TMEM131L: variants seen among roughly 807,000 people sequenced by gnomAD.
The protein encoded by TMEM131L is transmembrane 131 like, also known as transmembrane protein 131-like.
TMEM131L carries 54 observed loss-of-function variants against 192.2 expected under a neutral mutation model. That is an observed-to-expected ratio of 0.28 (90% confidence interval 0.23 to 0.35). TMEM131L has a LOEUF of 0.35. Ranked by LOEUF, TMEM131L falls within the 10% of genes least tolerant of loss-of-function variation. TMEM131L has a pLI of 1.00. For synonymous variants in TMEM131L, 701 were observed against 704.9 expected, an observed-to-expected ratio of 0.99 and a Z score of 0.09; for missense variants, 1,888 against 1,972.9, an observed-to-expected ratio of 0.96 and a Z score of 0.82.
rs1554038866 is a variant in TMEM131L, at chr4:153,595,724, A to AAAC, written c.1996-532_1996-531insCAA. 6.7e-3 allele frequency among the ~76,000 whole-genome samples: 999 copies of AAAC among 149,732 alleles called. 7 individuals are homozygous for AAAC. The highest frequency in any genetic ancestry group is 0.014 in the African/African-American group (580 of 41,186). ...GCACAAGTTTTATGCCAAAAAAAAA[A>AAAC]AAAAACACGACATCTTGGAGAAAAT... On this transcript the variant is annotated intron_variant, in intron 19 of 34. Transcript: ENST00000409959.
In TMEM131L at chr4:153,504,266, C is replaced by CTTTTTTT. The variant is rs531620464; in HGVS notation, c.239+30403_239+30409dup. Among the ~76,000 whole-genome samples, 80 of 42,638 alleles carry CTTTTTTT rather than the reference C, an allele frequency of 1.9e-3. 11 individuals are homozygous for CTTTTTTT. Among genetic ancestry groups the CTTTTTTT allele is most frequent in the Non-Finnish European group, 3.0e-3 (66 of 21,820 alleles). 28.0% of individuals were successfully genotyped at this position (42,638 alleles called of 152,430 possible). Reference sequence around the variant, plus strand: ...ACGGGCGTGAGCCACCGCGGTCGGCCTTTTTTTTTTTTTTTTTTTTTTTTT... The same window carrying CTTTTTTT: ...ACGGGCGTGAGCCACCGCGGTCGGCCTTTTTTTTTTTTTTTTTTTTTTTTTTTTTTTT... On this transcript the variant is annotated intron_variant, in intron 3 of 34. Transcript: ENST00000409959.
chr4:153,502,038 A>G (rs1733648432), intron 3 of TMEM131L, among the ~76,000 whole-genome samples: 1 of 149,184 alleles, frequency 6.7e-6, no homozygotes. Flanking sequence ...TGCAACCTTA[A>G]CATTCAGGGC....
intron 19 of TMEM131L, among the ~76,000 whole-genome samples, chr4:153,595,886 A>G (rs772797216): frequency 3.1e-4 from 47 of 152,154 alleles, no homozygotes; most frequent in Admixed American, 7.2e-4. Flanking sequence ...GTGGTGGGTG[A>G]GTGGTCTTGT....
chr4:153,522,427 G>A (rs992524737), intron 3 of TMEM131L, among the ~76,000 whole-genome samples: 2 of 152,144 alleles, frequency 1.3e-5, no homozygotes, highest in Admixed American at 1.3e-4. Context: ...GGAGGAGACC[G>A]GGATGGAAGT....
chr4:153,527,370 T>G (rs1467116974), intron 3 of TMEM131L, among the ~76,000 whole-genome samples: 1 of 152,098 alleles, frequency 6.6e-6, no homozygotes, highest in African/African-American at 2.4e-5. Context: ...CCTCCTGGGT[T>G]CAAGCAATTC....
intron 3 of TMEM131L, among the ~76,000 whole-genome samples, chr4:153,545,947 G>C (rs532520412): frequency 2.0e-5 from 3 of 151,972 alleles, no homozygotes; most frequent in African/African-American, 7.3e-5. Context: ...GCAGTGGTGC[G>C]GTCATTGCTC....
chr4:153,475,759 A>G (rs573836305), intron 3 of TMEM131L, among the ~76,000 whole-genome samples: 1 of 152,332 alleles, frequency 6.6e-6, no homozygotes, highest in African/African-American at 2.4e-5. Context: ...AAAACTATTT[A>G]CATAGCATTC....
At chr4:153,594,219 G>A (rs187865490) in intron 19 of TMEM131L, among the ~76,000 whole-genome samples, 1 of 145,948 alleles carries the variant, frequency 6.9e-6, no homozygotes, top group Non-Finnish European at 1.5e-5. Flanking sequence ...GGCAAGATAA[G>A]GAAAAACAAA....
intron 33 of TMEM131L, among the ~76,000 whole-genome samples, chr4:153,634,993 T>A (rs1045052901): frequency 6.6e-6 from 1 of 152,224 alleles, no homozygotes; most frequent in Non-Finnish European, 1.5e-5. Context: ...GTGTTCATTA[T>A]GTTCTTAATG....
chr4:153,525,826 T>C (rs533583838), intron 3 of TMEM131L, among the ~76,000 whole-genome samples: 4 of 152,202 alleles, frequency 2.6e-5, no homozygotes, highest in African/African-American at 7.2e-5. Flanking sequence ...AGGTCTGTGG[T>C]GGGGCCTGCG....
chr4:153,617,533 G>C (rs1379080681), intron 26 of TMEM131L, among the ~76,000 whole-genome samples: 1 of 152,152 alleles, frequency 6.6e-6, no homozygotes, highest in Non-Finnish European at 1.5e-5. Flanking sequence ...TTGTGTTTTG[G>C]TTTTCTTACT....
chr4:153,490,684 G>T (rs1268726309), intron 3 of TMEM131L, among the ~76,000 whole-genome samples: 1 of 152,046 alleles, frequency 6.6e-6, no homozygotes, highest in Non-Finnish European at 1.5e-5. Context: ...GGCCGGGCGT[G>T]GGGGCTCATG....
intron 3 of TMEM131L, among the ~76,000 whole-genome samples, chr4:153,483,021 C>G (rs1204207913): frequency 6.6e-6 from 1 of 151,838 alleles, no homozygotes; most frequent in Admixed American, 6.6e-5. Flanking sequence ...TAAAGAATTA[C>G]TTAATTCTTT....
intron 3 of TMEM131L, among the ~76,000 whole-genome samples, chr4:153,491,265 A>G (rs894258962): frequency 2.0e-5 from 3 of 152,208 alleles, no homozygotes; most frequent in African/African-American, 7.2e-5. Flanking sequence ...ATATTGACTA[A>G]TAGAAGGGAA....
In TMEM131L at chr4:153,539,492, A is replaced by ATTT. The variant is rs750436196; in HGVS notation, c.240-10557_240-10555dup. On this transcript the variant is annotated intron_variant, in intron 3 of 34. Coordinates refer to ENST00000409959, the MANE Select transcript of TMEM131L (RefSeq NM_001131007.2). The stretch of plus-strand genomic sequence containing the variant: ...TAAAAACATTATGTTCAGAGGCTAG[A>ATTT]TTTTTTTTTTTTTTTTTTTTTTTTT... 9.1e-4 allele frequency among the ~76,000 whole-genome samples: 101 copies of ATTT among 110,810 alleles called. 3 individuals carry two copies. The highest frequency in any genetic ancestry group is 3.1e-3 in the African/African-American group (80 of 26,226). 72.7% of individuals were successfully genotyped at this position (110,810 alleles called of 152,430 possible).
intron 20 of TMEM131L, among the ~76,000 whole-genome samples, chr4:153,598,024 T>C (rs1731565619): frequency 6.6e-6 from 1 of 151,744 alleles, no homozygotes; most frequent in Non-Finnish European, 1.5e-5. Context: ...TAGTCTGAAT[T>C]ACTATTTGAT....
chr4:153,631,697 G>T (rs765828462), intron 31 of TMEM131L, among the ~76,000 whole-genome samples: 1 of 152,344 alleles, frequency 6.6e-6, no homozygotes, highest in South Asian at 2.1e-4. Context: ...TTGTGTCCAA[G>T]AAGTCAACTC....
chr4:153,607,030 G>C (rs538209149), intron 25 of TMEM131L, among the ~76,000 whole-genome samples: 1 of 152,276 alleles, frequency 6.6e-6, no homozygotes, highest in African/African-American at 2.4e-5. Context: ...TAAATTGCCT[G>C]CTATCCATGT....
chr4:153,627,868 T>C (rs147675581), intron 31 of TMEM131L, among the ~76,000 whole-genome samples, 181 bp downstream of exon 31: 119 of 152,300 alleles, frequency 7.8e-4, no homozygotes, highest in African/African-American at 2.4e-3. Flanking sequence ...ACGGGCATCA[T>C]TGGGGCCCCA....
Sources: allele counts gnomAD v4.1 joint callset (sites outside exome capture counted in the v4.1 genomes callset), GRCh38; gene constraint gnomAD v4.1.1; transcripts MANE v1.5; gene names NCBI Gene and HGNC (gene_info 2026-07-23, HGNC 2026-07-21).